Variants in RFC1 observed in about 807,000 individuals in gnomAD.
The protein encoded by RFC1 is A1 140 kDa subunit.
In RFC1, 37 loss-of-function variants were observed where a neutral mutation model predicts 137.4. The observed-to-expected ratio is 0.27, with a 90% confidence interval of 0.21 to 0.35. The LOEUF (loss-of-function observed/expected upper bound fraction) is 0.35, where lower values mean the gene tolerates loss of function less well. RFC1 is among the 10% of genes least tolerant of loss of function. The probability of loss-of-function intolerance (pLI) is 1.00; values close to 1 mark genes in which losing one functional copy is unlikely to be tolerated. For synonymous variants in RFC1, 429 were observed against 455.7 expected, an observed-to-expected ratio of 0.94 and a Z score of 0.75; for missense variants, 1,205 against 1,358.5, an observed-to-expected ratio of 0.89 and a Z score of 1.78.
intron 4 of RFC1, among the ~76,000 whole-genome samples, chr4:39,333,139 G>A (rs572927590): frequency 1.1e-4 from 16 of 152,152 alleles, no homozygotes; most frequent in Non-Finnish European, 2.2e-4. Context: ...GTTTCACTGC[G>A]ATCTTCTGTA....
intron 4 of RFC1, among the ~76,000 whole-genome samples, chr4:39,328,833 T>C (rs1015477752): frequency 6.6e-6 from 1 of 152,078 alleles, no homozygotes; most frequent in Admixed American, 6.6e-5. Context: ...GGAGACCACT[T>C]AGAAAGCTAC....
chr4:39,350,115 G>A (rs1175071719), intron 2 of RFC1, among the ~76,000 whole-genome samples: 1 of 151,924 alleles, frequency 6.6e-6, no homozygotes, highest in African/African-American at 2.4e-5. Flanking sequence ...AATACAATAT[G>A]TAAAATAAAA....
chr4:39,342,495 A>C, intron 3 of RFC1, 28 bp from the exon 4 acceptor site: 1 of 1,604,550 alleles, frequency 6.2e-7, no homozygotes, highest in East Asian at 2.2e-5. Context: ...ATAAAACAAA[A>C]CTTTGAAAAG....
At chr4:39,305,752 C>G (rs1738608220) in intron 14 of RFC1, among the ~76,000 whole-genome samples, 1 of 151,904 alleles carries the variant, frequency 6.6e-6, no homozygotes, top group East Asian at 1.9e-4. Context: ...ATTCATTTCC[C>G]AAAACTGATT....
Position 39,349,368 on chromosome 4 carries a change from T to C in RFC1, c.132+1980A>G, listed in dbSNP as rs1741067456. Among the ~76,000 whole-genome samples, 2 of 152,048 alleles carry C rather than the reference T, an allele frequency of 1.3e-5. 1 individual carries two copies. Among genetic ancestry groups the C allele is most frequent in the Admixed American group, 1.3e-4 (2 of 15,272 alleles). On this transcript the variant is annotated intron_variant, in intron 2 of 24. Coordinates refer to ENST00000349703, the MANE Select transcript of RFC1 (RefSeq NM_002913.5). ...AACAAGTAATTAAGGATAAATAAGGTCGTAAGGGTGGGGCTCTGATCTGAC... is the reference window on the plus strand; with the variant it reads ...AACAAGTAATTAAGGATAAATAAGGCCGTAAGGGTGGGGCTCTGATCTGAC...
chr4:39,291,778 G>A lies in RFC1; in HGVS notation c.3029C>T (p.Thr1010Ile). 6.2e-7 allele frequency: 1 copy of A among 1,613,666 alleles called. No homozygotes were observed. Among genetic ancestry groups the A allele is most frequent in the Non-Finnish European group, 8.5e-7 (1 of 1,179,586 alleles). ...CTGTACTCCGTCTACTCCTTGTGAG[G>A]TCAAGGGCTGTACAAGTGCATCCCT... is the stretch of plus-strand genomic sequence containing the variant. ...LLRDALVQPL[T>I]SQGVDGVQDV... The change falls in exon 23 of 25, where the codon ACC (threonine) becomes ATC (isoleucine). Residue 1010 changes from threonine to isoleucine, a missense_variant. By Grantham distance (89) the Thr-to-Ile change is moderately conservative. Transcript: ENST00000349703.
At chr4:39,318,397 T>C (rs1337138853) in intron 9 of RFC1, among the ~76,000 whole-genome samples, 9 of 152,198 alleles carry the variant, frequency 5.9e-5, no homozygotes, top group South Asian at 2.1e-4. Context: ...CATACCAACA[T>C]GGAAAAACGA....
At chr4:39,302,626 AT>A in intron 17 of RFC1, 31 bp from the exon 18 acceptor site, 2 of 1,518,182 alleles carry the variant, frequency 1.3e-6, no homozygotes, top group Non-Finnish European at 9.0e-7. Flanking sequence ...GTCCTCAATG[AT>A]TTTTAACTCA....
intron 19 of RFC1, 80 bp downstream of exon 19, chr4:39,302,197 TA>T: frequency 1.2e-6 from 1 of 831,750 alleles, no homozygotes; most frequent in Non-Finnish European, 2.1e-6. Flanking sequence ...GGAACTATAA[TA>T]ACTACTTCTA....
intron 1 of RFC1, among the ~76,000 whole-genome samples, chr4:39,360,087 C>T (rs1192663574): frequency 2.0e-5 from 3 of 151,940 alleles, no homozygotes; most frequent in African/African-American, 7.2e-5. Flanking sequence ...CTTTTTTTGG[C>T]CGGGTGCAGT....
intron 21 of RFC1, 29 bp downstream of exon 21, chr4:39,299,992 C>T: frequency 7.8e-7 from 1 of 1,281,326 alleles, no homozygotes; most frequent in Non-Finnish European, 1.1e-6. Flanking sequence ...AAAGCAGAGC[C>T]TGCATGTTAG....
intron 21 of RFC1, among the ~76,000 whole-genome samples, chr4:39,296,356 C>G (rs1738001299): frequency 7.5e-6 from 1 of 133,704 alleles, no homozygotes; most frequent in South Asian, 2.7e-4. Flanking sequence ...CACCCACTAA[C>G]TCGTCATCTA....
At chr4:39,323,264 A>G in intron 7 of RFC1, 76 bp downstream of exon 7, 1 of 1,020,798 alleles carries the variant, frequency 9.8e-7, no homozygotes, top group Non-Finnish European at 1.4e-6. Context: ...TGTTTTGGCT[A>G]GAGCCTAGAA....
At chr4:39,356,077 C>T (rs1578173624) in intron 1 of RFC1, 1 of 149,912 alleles carries the variant, frequency 6.7e-6, no homozygotes, top group South Asian at 2.1e-4. Flanking sequence ...TTTAAAGGTA[C>T]ATACCCTTTG....
chr4:39,355,279 C>T (rs1181258003), intron 1 of RFC1, among the ~76,000 whole-genome samples: 8 of 151,136 alleles, frequency 5.3e-5, no homozygotes, highest in Admixed American at 5.3e-4. Flanking sequence ...AAAAAAAAAT[C>T]AGCCTAGTGT....
chr4:39,302,226 C>G, intron 19 of RFC1, 52 bp downstream of exon 19: 1 of 1,113,572 alleles, frequency 9.0e-7, no homozygotes, highest in Non-Finnish European at 1.4e-6. Flanking sequence ...ACCTACAGAA[C>G]AAGAAGTGTT....
In RFC1 at chr4:39,320,613, T is replaced by C; in HGVS notation, c.865A>G (p.Lys289Glu). ...RKSYSPRKQS[K>E]YESSKESQQH... ...TGAGATTCTTTTGAACTTTCATATT[T>C]ACTTTGCTTCCTAGGACTGTAGCTC... The change falls in exon 9 of 25, where the codon AAA becomes GAA. Residue 289 changes from lysine to glutamate, a missense_variant. By Grantham distance (56) the Lys-to-Glu change is moderately conservative. Coordinates refer to ENST00000349703, the MANE Select transcript of RFC1 (RefSeq NM_002913.5). The C allele has an allele frequency of 1.2e-6, 2 of 1,612,012 alleles. No individual in the cohort carries two copies. The highest frequency in any genetic ancestry group is 8.5e-7 in the Non-Finnish European group (1 of 1,179,464).
At chr4:39,328,246 CCA>C (rs1408877681) in intron 4 of RFC1, among the ~76,000 whole-genome samples, 1 of 152,162 alleles carries the variant, frequency 6.6e-6, no homozygotes, top group Non-Finnish European at 1.5e-5. Flanking sequence ...GCTATATCCC[CCA>C]GTTACTACCA....
At chr4:39,291,401 T>G (rs1306140339) in intron 23 of RFC1, among the ~76,000 whole-genome samples, 1 of 152,242 alleles carries the variant, frequency 6.6e-6, no homozygotes, top group Non-Finnish European at 1.5e-5. Flanking sequence ...ATTTCACTTC[T>G]TGCTTTTCCA....
Sources: gnomAD v4.1 joint callset for allele counts (sites outside exome capture counted in the v4.1 genomes callset) on GRCh38, gnomAD v4.1.1 for gene constraint, MANE v1.5 for transcripts, NCBI Gene and HGNC (gene_info 2026-07-23, HGNC 2026-07-21) for gene names.